GRID1: variants seen among roughly 807,000 people sequenced by gnomAD.
GRID1 encodes glutamate ionotropic receptor delta type subunit 1, also known as glutamate receptor ionotropic, delta-1.
A neutral mutation model predicts 98.0 loss-of-function variants in GRID1; 28 were observed. The observed-to-expected ratio is 0.29, with a 90% CI of 0.21 to 0.39. The LOEUF (loss-of-function observed/expected upper bound fraction) is 0.39. GRID1 is among the 10% of genes least tolerant of loss of function. GRID1 has a pLI of 1.00. For missense variants in GRID1, 1,111 were observed against 1,340.5 expected, an observed-to-expected ratio of 0.83 and a Z score of 2.67; for synonymous variants, 553 against 538.5, an observed-to-expected ratio of 1.03 and a Z score of -0.37.
chr10:86,145,412 G>C (rs1428419383), intron 3 of GRID1, among the ~76,000 whole-genome samples: 2 of 152,036 alleles, frequency 1.3e-5, no homozygotes, highest in Non-Finnish European at 2.9e-5. Context: ...TTGTAGAGAA[G>C]GGGTTTCACC....
At chr10:85,676,314 C>G (rs1841145176) in intron 12 of GRID1, among the ~76,000 whole-genome samples, 1 of 152,140 alleles carries the variant, frequency 6.6e-6, no homozygotes, top group Non-Finnish European at 1.5e-5. Context: ...GCAACTGACT[C>G]ACATGGGAAT....
intron 4 of GRID1, among the ~76,000 whole-genome samples, chr10:86,118,099 T>C (rs750390499): frequency 3.3e-5 from 5 of 152,016 alleles, no homozygotes; most frequent in Non-Finnish European, 7.4e-5. Context: ...GTGAGACAGA[T>C]AGATAGATAT....
chr10:86,361,554 T>C (rs1338223569), intron 2 of GRID1, among the ~76,000 whole-genome samples: 1 of 152,174 alleles, frequency 6.6e-6, no homozygotes, highest in African/African-American at 2.4e-5. Context: ...TTTCCAGCTA[T>C]ACAAACAGAG....
At chr10:86,086,396 G>A (rs1026137927) in intron 4 of GRID1, among the ~76,000 whole-genome samples, 6 of 152,110 alleles carry the variant, frequency 3.9e-5, no homozygotes, top group Non-Finnish European at 8.8e-5. Flanking sequence ...AAACACTTCC[G>A]CACCCATTGT....
intron 5 of GRID1, among the ~76,000 whole-genome samples, chr10:85,891,388 C>T (rs549717722): frequency 6.6e-6 from 1 of 152,164 alleles, no homozygotes; most frequent in South Asian, 2.1e-4. Context: ...GAACAAGACC[C>T]AATTTTGTAG....
intron 2 of GRID1, among the ~76,000 whole-genome samples, chr10:86,360,417 C>T (rs1280462672): frequency 6.6e-6 from 1 of 152,224 alleles, no homozygotes; most frequent in African/African-American, 2.4e-5. Context: ...CTGTACCTTC[C>T]ACATTTTATA....
At chr10:85,950,022 G>C (rs976365589) in intron 4 of GRID1, among the ~76,000 whole-genome samples, 2 of 152,216 alleles carry the variant, frequency 1.3e-5, no homozygotes, top group African/African-American at 4.8e-5. Context: ...TGGGTAGATA[G>C]ATAAATAGAT....
At chr10:86,196,299 G>A (rs896586855) in intron 3 of GRID1, among the ~76,000 whole-genome samples, 3 of 151,982 alleles carry the variant, frequency 2.0e-5, no homozygotes, top group South Asian at 2.1e-4. Context: ...TTTGTTCAGC[G>A]CTTGGCTCAA....
chr10:86,238,010 T>A (rs61856565), intron 2 of GRID1, among the ~76,000 whole-genome samples: 3,412 of 152,106 alleles, frequency 0.022, 52 homozygotes, highest in Middle Eastern at 0.068. Context: ...TTGCCAGAGG[T>A]TGGAACAGTT....
chr10:85,860,620 C>T (rs765276194), intron 6 of GRID1, among the ~76,000 whole-genome samples: 3 of 152,170 alleles, frequency 2.0e-5, no homozygotes, highest in South Asian at 2.1e-4. Context: ...CCATACAGTA[C>T]GACTCTCACA....
chr10:86,107,594 C>G (rs1340262301), intron 4 of GRID1, among the ~76,000 whole-genome samples: 1 of 152,192 alleles, frequency 6.6e-6, no homozygotes, highest in Non-Finnish European at 1.5e-5. Flanking sequence ...TTTTGTTTTC[C>G]TGCCCAAATG....
chr10:85,921,120 T>C (rs776271981), intron 4 of GRID1, among the ~76,000 whole-genome samples: 2 of 152,168 alleles, frequency 1.3e-5, no homozygotes, highest in Non-Finnish European at 2.9e-5. Flanking sequence ...CCCTTTTGAA[T>C]GGAGGAGACA....
intron 4 of GRID1, among the ~76,000 whole-genome samples, chr10:86,127,458 A>G (rs1273884445): frequency 6.6e-6 from 1 of 152,184 alleles, no homozygotes; most frequent in Non-Finnish European, 1.5e-5. Context: ...TGCTCCAATA[A>G]CAGCCCAGAT....
chr10:85,796,580 G>A (rs1038877778), intron 8 of GRID1, among the ~76,000 whole-genome samples: 1 of 151,986 alleles, frequency 6.6e-6, no homozygotes, highest in African/African-American at 2.4e-5. Flanking sequence ...TGGAAAAACA[G>A]CGTGAATATA....
At chr10:86,137,483 G>C (rs1223606994) in intron 4 of GRID1, among the ~76,000 whole-genome samples, 1 of 152,218 alleles carries the variant, frequency 6.6e-6, no homozygotes, top group African/African-American at 2.4e-5. Flanking sequence ...CAAGAAGCAA[G>C]AAGGGAGGGG....
chr10:85,670,152 A>T (rs1207938712), intron 12 of GRID1, among the ~76,000 whole-genome samples: 2 of 152,240 alleles, frequency 1.3e-5, no homozygotes, highest in Non-Finnish European at 1.5e-5. Flanking sequence ...TTGGAGACTT[A>T]TGGTTCATAA....
chr10:86,077,804 T>TG (rs1213763293), intron 4 of GRID1, among the ~76,000 whole-genome samples: 1 of 152,000 alleles, frequency 6.6e-6, no homozygotes, highest in African/African-American at 2.4e-5. Flanking sequence ...AAATCATGGA[T>TG]GGGAAAAAAA....
At chr10:85,892,181 A>T (rs141534919) in intron 5 of GRID1, among the ~76,000 whole-genome samples, 2 of 151,150 alleles carry the variant, frequency 1.3e-5, no homozygotes, top group East Asian at 3.9e-4. Context: ...GGCAACAGAA[A>T]CTACTCAAAA....
chr10:85,724,249 G>T, intron 11 of GRID1, 103 bp downstream of exon 11: 1 of 799,252 alleles, frequency 1.3e-6, no homozygotes, highest in Non-Finnish European at 2.0e-6. Context: ...AAGTAAAATT[G>T]CATTTGGAAT....
Sources: allele counts gnomAD v4.1 joint callset (sites outside exome capture counted in the v4.1 genomes callset), GRCh38; gene constraint gnomAD v4.1.1; transcripts MANE v1.5; gene names NCBI Gene and HGNC (gene_info 2026-07-23, HGNC 2026-07-21).